Variants in CNOT6L observed in about 807,000 individuals in gnomAD.
The protein encoded by CNOT6L is CCR4-NOT transcription complex subunit 6 like, also known as CCR4-NOT transcription complex subunit 6-like.
CNOT6L carries 7 observed loss-of-function variants against 64.0 expected under a neutral mutation model. The ratio of observed to expected loss-of-function variants is 0.11; its 90% CI spans 0.06 to 0.21. The LOEUF (loss-of-function observed/expected upper bound fraction) is 0.21, where lower values mean the gene tolerates loss of function less well. Ranked by LOEUF, CNOT6L falls within the 10% of genes least tolerant of loss-of-function variation. The pLI is 1.00. For synonymous variants in CNOT6L, 193 were observed against 243.4 expected, an observed-to-expected ratio of 0.79 and a Z score of 1.93; for missense variants, 245 against 669.0, an observed-to-expected ratio of 0.37 and a Z score of 6.99.
At position 77,715,370 on chromosome 4, in the gene CNOT6L, T is replaced by C. The variant is rs938264916; in HGVS notation, c.*5061A>G. On this transcript the variant is annotated 3_prime_UTR_variant, in exon 12 of 12. Coordinates refer to ENST00000504123, the MANE Select transcript of CNOT6L (RefSeq NM_144571.3). Reference sequence around the variant, plus strand: ...TGTACCATAAAAAAAAATTAACAATTAATAAGCACAAATGTCCTTATGTCA... The same window carrying C: ...TGTACCATAAAAAAAAATTAACAATCAATAAGCACAAATGTCCTTATGTCA... 2 of 151,758 alleles carry C rather than the reference T, an allele frequency of 1.3e-5. No individual in the cohort carries two copies. The highest frequency in any genetic ancestry group is 2.4e-5 in the African/African-American group (1 of 41,412). 9.4% of individuals were successfully genotyped at this position (151,758 alleles called of 1,614,324 possible).
intron 1 of CNOT6L, among the ~76,000 whole-genome samples, chr4:77,808,654 G>A (rs2110169872): frequency 6.6e-6 from 1 of 152,180 alleles, no homozygotes; most frequent in Non-Finnish European, 1.5e-5. Context: ...GATGTTAAAG[G>A]AGATATAATG....
intron 11 of CNOT6L, 112 bp downstream of exon 11, chr4:77,726,055 G>A (rs958736998): frequency 4.0e-5 from 39 of 979,894 alleles, no homozygotes; most frequent in Non-Finnish European, 5.6e-5. Context: ...GACATTTTAA[G>A]AATCTAAAAA....
intron 1 of CNOT6L, among the ~76,000 whole-genome samples, chr4:77,806,027 T>A (rs1312486136): frequency 1.3e-5 from 2 of 152,198 alleles, no homozygotes; most frequent in Admixed American, 1.3e-4. Context: ...TCATAGTCAA[T>A]CATTGACTTA....
intron 4 of CNOT6L, among the ~76,000 whole-genome samples, chr4:77,757,942 C>T (rs540377470): frequency 6.6e-5 from 10 of 152,182 alleles, no homozygotes; most frequent in African/African-American, 1.7e-4. Flanking sequence ...TCAAGTGATC[C>T]GCCCGCCTTG....
rs1421331616 is a variant in CNOT6L at position 77,795,049 on chromosome 4, C to T, written c.6-18657G>A. 7.3e-5 allele frequency among the ~76,000 whole-genome samples: 9 copies of T among 124,068 alleles called. No homozygotes were observed. The East Asian group carries it at 1.1e-3, about 16-fold the overall frequency. 81.4% of individuals were successfully genotyped at this position (124,068 alleles called of 152,430 possible). A position where few individuals can be genotyped will look rare whatever the true frequency, so the allele number is the denominator to read the frequency against. ...TTTTTTTTTTTTTTTGAGACACTTT[C>T]CCTCTTGTTGCCTAGGCTGGAGTGC... is the stretch of plus-strand genomic sequence containing the variant. On this transcript the variant is annotated intron_variant, in intron 1 of 11. Coordinates refer to ENST00000504123, the MANE Select transcript of CNOT6L (RefSeq NM_144571.3).
chr4:77,773,536 CTAAT>C (rs1484949753), intron 3 of CNOT6L, among the ~76,000 whole-genome samples: 5 of 152,072 alleles, frequency 3.3e-5, no homozygotes, highest in South Asian at 2.1e-4. Context: ...TGAAACTCGT[CTAAT>C]TAATAGAAAA....
intron 5 of CNOT6L, among the ~76,000 whole-genome samples, chr4:77,748,880 A>G (rs2109968299): frequency 6.6e-6 from 1 of 152,310 alleles, no homozygotes; most frequent in East Asian, 1.9e-4. Context: ...AAAACAAGAG[A>G]TAAGGATAGA....
In CNOT6L at chr4:77,731,548, A is replaced by G; in HGVS notation, c.873-10T>C. On this transcript the variant is annotated splice_polypyrimidine_tract_variant and intron_variant, in intron 8 of 11. Coordinates refer to ENST00000504123, the MANE Select transcript of CNOT6L (RefSeq NM_144571.3). The stretch of plus-strand genomic sequence containing the variant: ...CTGCACCAATGTAAATCTAAAAGGT[A>G]CATTATTATAATTTTAGGTACCTAG... The G allele has an allele frequency of 6.6e-7, 1 of 1,524,876 alleles. No homozygotes were observed. 94.5% of individuals were successfully genotyped at this position (1,524,876 alleles called of 1,614,324 possible).
At chr4:77,722,499 G>A (rs1023562135) in intron 11 of CNOT6L, among the ~76,000 whole-genome samples, 3 of 152,130 alleles carry the variant, frequency 2.0e-5, no homozygotes, top group Admixed American at 6.6e-5. Flanking sequence ...GGAGGCAGAG[G>A]TTGCAGTGTA....
chr4:77,768,175 T>A (rs1177299246), intron 4 of CNOT6L, among the ~76,000 whole-genome samples: 3 of 151,368 alleles, frequency 2.0e-5, no homozygotes, highest in Non-Finnish European at 4.4e-5. Context: ...ATTAAAAATA[T>A]CAAATCTGGC....
At chr4:77,727,741 G>A (rs1218440550) in intron 10 of CNOT6L, among the ~76,000 whole-genome samples, 2 of 152,094 alleles carry the variant, frequency 1.3e-5, no homozygotes, top group Admixed American at 1.3e-4. Context: ...AAATACAATG[G>A]GAGAAAAACT....
chr4:77,761,846 G>A (rs185429925), intron 4 of CNOT6L, among the ~76,000 whole-genome samples: 31 of 152,196 alleles, frequency 2.0e-4, no homozygotes, highest in African/African-American at 7.5e-4. Context: ...CACAGATCAA[G>A]AGTTCGTAAA....
Position 77,774,574 on chromosome 4 carries a change from T to C in CNOT6L, c.270A>G (p.Lys90=), listed in dbSNP as rs1727953792. Residue 90 remains lysine (K), a synonymous_variant, in exon 3 of 12, where the codon AAA becomes AAG. Coordinates refer to ENST00000504123, the MANE Select transcript of CNOT6L (RefSeq NM_144571.3). ...NLVYLDLSSN[K]LRSLPAELGN... Reference sequence around the variant, plus strand: ...CTAGTTCTGCTGGTAAACTTCTGAGTTTATTGGATGACAGATCCAGGTAAA... The same window carrying C: ...CTAGTTCTGCTGGTAAACTTCTGAGCTTATTGGATGACAGATCCAGGTAAA... 3.1e-6 allele frequency: 5 copies of C among 1,613,132 alleles called. No homozygotes were observed. The highest frequency in any genetic ancestry group is 4.2e-6 in the Non-Finnish European group (5 of 1,179,566).
chr4:77,740,406 C>T (rs1577934627), intron 8 of CNOT6L, among the ~76,000 whole-genome samples: 1 of 151,926 alleles, frequency 6.6e-6, no homozygotes, highest in Non-Finnish European at 1.5e-5. Flanking sequence ...AAATTCAGGG[C>T]AATTTTTCTA....
At chr4:77,777,884 T>C (rs544129418) in intron 1 of CNOT6L, among the ~76,000 whole-genome samples, 2 of 152,344 alleles carry the variant, frequency 1.3e-5, no homozygotes, top group Admixed American at 6.5e-5. Context: ...TCCCATACTA[T>C]CACTTTCTCT....
rs6855336 is a variant in CNOT6L, at chr4:77,748,300, A to G, written c.559+16T>C. On this transcript the variant is annotated intron_variant, in intron 6 of 11. Transcript: ENST00000504123. The stretch of plus-strand genomic sequence containing the variant: ...GAATTTCTGAAAAAAAAGGAAGAAT[A>G]AGAAAAACTATTTACCTGACGGCAG... The G allele has an allele frequency of 0.88, 1,356,314 of 1,532,804 alleles. 601,533 individuals are homozygous for G. Among genetic ancestry groups the G allele is most frequent in the Non-Finnish European group, 0.9 (997,365 of 1,107,998 alleles). The allele number at this position is 1,532,804 out of a possible 1,614,324, so 95.0% of individuals were successfully genotyped here.
At chr4:77,818,682 G>T (rs1436216874) in intron 1 of CNOT6L, among the ~76,000 whole-genome samples, 1 of 152,124 alleles carries the variant, frequency 6.6e-6, no homozygotes, top group Non-Finnish European at 1.5e-5. Context: ...ACGCGGAGGC[G>T]GCCACGGCGA....
chr4:77,730,424 G>A (rs904613628), intron 9 of CNOT6L, among the ~76,000 whole-genome samples: 7 of 151,938 alleles, frequency 4.6e-5, no homozygotes, highest in Non-Finnish European at 2.9e-5. Context: ...GAGTACAAGA[G>A]ATATGTATTT....
chr4:77,720,666 A>G (rs1160763180), intron 11 of CNOT6L, 23 bp from the exon 12 acceptor site: 3 of 1,608,696 alleles, frequency 1.9e-6, no homozygotes. Flanking sequence ...TGGGAATAGG[A>G]AAAAAAGAAA....
Sources: allele counts gnomAD v4.1 joint callset (sites outside exome capture counted in the v4.1 genomes callset), GRCh38; gene constraint gnomAD v4.1.1; transcripts MANE v1.5; gene names NCBI Gene and HGNC (gene_info 2026-07-23, HGNC 2026-07-21).